Variants in UNC5C observed in about 807,000 individuals in gnomAD.
UNC5C encodes unc-5 netrin receptor C.
A neutral mutation model predicts 99.8 loss-of-function variants in UNC5C; 47 were observed. That is an observed-to-expected ratio of 0.47 (90% CI 0.37 to 0.60). UNC5C has a LOEUF of 0.60. Ranked by LOEUF, UNC5C falls within the 20% of genes least tolerant of loss-of-function variation. UNC5C has a pLI of 0.00. For synonymous variants in UNC5C, 487 were observed against 452.2 expected (o/e 1.08, Z -0.98); for missense variants, 1,062 against 1,165.9 (o/e 0.91, Z 1.30).
intron 11 of UNC5C, among the ~76,000 whole-genome samples, chr4:95,203,923 G>C (rs1232526426): frequency 1.3e-5 from 2 of 152,134 alleles, no homozygotes; most frequent in Non-Finnish European, 2.9e-5. Flanking sequence ...TGATGGCTGA[G>C]CAGAGGATTG....
intron 1 of UNC5C, among the ~76,000 whole-genome samples, chr4:95,487,694 T>A (rs892165893): frequency 5.9e-5 from 9 of 151,738 alleles, no homozygotes; most frequent in Non-Finnish European, 1.3e-4. Flanking sequence ...CTAGTTATTA[T>A]AAATAGAATC....
intron 1 of UNC5C, among the ~76,000 whole-genome samples, chr4:95,395,042 TG>T (rs1395886131): frequency 2.0e-5 from 3 of 152,156 alleles, no homozygotes; most frequent in Non-Finnish European, 4.4e-5. Flanking sequence ...CTCACCAGTC[TG>T]CTTCTTCAGC....
intron 1 of UNC5C, among the ~76,000 whole-genome samples, chr4:95,363,427 T>C (rs1215939837): frequency 6.6e-6 from 1 of 152,134 alleles, no homozygotes; most frequent in Non-Finnish European, 1.5e-5. Context: ...ATTTTATGAC[T>C]CAGAGATCGT....
intron 9 of UNC5C, among the ~76,000 whole-genome samples, 182 bp downstream of exon 9, chr4:95,218,787 G>A (rs1738351638): frequency 6.6e-6 from 1 of 152,166 alleles, no homozygotes; most frequent in African/African-American, 2.4e-5. Context: ...GTTGGAGGAA[G>A]AGAAATGGTT....
intron 1 of UNC5C, among the ~76,000 whole-genome samples, chr4:95,508,970 G>A (rs1167667729): frequency 6.6e-6 from 1 of 151,782 alleles, no homozygotes; most frequent in Non-Finnish European, 1.5e-5. Flanking sequence ...TGGTGTTACA[G>A]TCACAATTTC....
At chr4:95,327,363 T>C (rs1319421479) in intron 2 of UNC5C, among the ~76,000 whole-genome samples, 2 of 152,066 alleles carry the variant, frequency 1.3e-5, no homozygotes, top group Non-Finnish European at 2.9e-5. Context: ...TGGTATGGGC[T>C]TTTTTTCAGG....
chr4:95,332,054 C>A (rs1743134015), intron 2 of UNC5C, among the ~76,000 whole-genome samples: 1 of 152,036 alleles, frequency 6.6e-6, no homozygotes, highest in Non-Finnish European at 1.5e-5. Flanking sequence ...CAAACCACTG[C>A]TCAATGAAAT....
intron 1 of UNC5C, among the ~76,000 whole-genome samples, chr4:95,451,366 A>G (rs1747275112): frequency 6.6e-6 from 1 of 152,202 alleles, no homozygotes; most frequent in South Asian, 2.1e-4. Flanking sequence ...AACATATAAG[A>G]AAAAGTAGTC....
intron 1 of UNC5C, among the ~76,000 whole-genome samples, chr4:95,349,263 C>A (rs1162363406): frequency 1.3e-5 from 2 of 148,782 alleles, no homozygotes; most frequent in Admixed American, 1.3e-4. Context: ...CTACTCTGAA[C>A]CCACAAAAAT....
In UNC5C at chr4:95,456,146, A is replaced by T. The variant is rs149662330; in HGVS notation, c.124+92588T>A. Among the ~76,000 whole-genome samples, 691 of 152,214 alleles carry T rather than the reference A, an allele frequency of 4.5e-3. 4 individuals are homozygous for T. The highest frequency in any genetic ancestry group is 0.037 in the South Asian group (178 of 4,818). Reference sequence around the variant, plus strand: ...CCCCTCAATTGTATCTTTCGTGTGTATAATGGTAATAATTATAAGGCAATG... The same window carrying T: ...CCCCTCAATTGTATCTTTCGTGTGTTTAATGGTAATAATTATAAGGCAATG... On this transcript the variant is annotated intron_variant, in intron 1 of 15. Transcript: ENST00000453304.
intron 1 of UNC5C, among the ~76,000 whole-genome samples, chr4:95,538,144 G>A (rs972346541): frequency 6.6e-6 from 1 of 152,150 alleles, no homozygotes; most frequent in African/African-American, 2.4e-5. Context: ...ACTATCAGAT[G>A]ACATTTGTTT....
chr4:95,250,721 T>C lies in UNC5C; in HGVS notation c.595-54A>G, dbSNP rs1560753233. On this transcript the variant is annotated intron_variant, in intron 4 of 15. Transcript: ENST00000453304. Reference sequence around the variant, plus strand: ...TCCTCAGCATGGATCCCCTGATGGCTGTCTGTCCTAACCTGCATTTTGTAC... The same window carrying C: ...TCCTCAGCATGGATCCCCTGATGGCCGTCTGTCCTAACCTGCATTTTGTAC... 1.9e-6 allele frequency: 3 copies of C among 1,564,170 alleles called. No individual in the cohort carries two copies. In the South Asian group the frequency reaches 3.5e-5, roughly 18 times the overall value.
chr4:95,543,646 C>T (rs1338691980), intron 1 of UNC5C, among the ~76,000 whole-genome samples: 1 of 152,068 alleles, frequency 6.6e-6, no homozygotes, highest in African/African-American at 2.4e-5. Flanking sequence ...CTGATTTTCC[C>T]CAAACCCTTA....
At chr4:95,245,293 A>G (rs1739463590) in intron 5 of UNC5C, 149 bp from the exon 6 acceptor site, 3 of 881,710 alleles carry the variant, frequency 3.4e-6, no homozygotes, top group South Asian at 2.1e-5. Flanking sequence ...AGAAGAGACC[A>G]TGGACCTCAT....
chr4:95,496,251 A>T (rs1560484583), intron 1 of UNC5C, among the ~76,000 whole-genome samples: 2 of 151,934 alleles, frequency 1.3e-5, no homozygotes, highest in East Asian at 3.9e-4. Context: ...TGAGCCTCAG[A>T]AATTAGGATT....
chr4:95,215,543 A>C (rs1738216860), intron 10 of UNC5C, among the ~76,000 whole-genome samples: 1 of 152,046 alleles, frequency 6.6e-6, no homozygotes, highest in African/African-American at 2.4e-5. Flanking sequence ...CATTCTAAAC[A>C]AAACCTTTTA....
At chr4:95,335,155 T>C (rs575523935) in intron 2 of UNC5C, among the ~76,000 whole-genome samples, 1 of 152,114 alleles carries the variant, frequency 6.6e-6, no homozygotes, top group Admixed American at 6.6e-5. Context: ...TCATTCGCAT[T>C]ATTTATCTTC....
intron 1 of UNC5C, among the ~76,000 whole-genome samples, chr4:95,477,867 T>G (rs540588602): frequency 6.6e-6 from 1 of 152,126 alleles, no homozygotes; most frequent in African/African-American, 2.4e-5. Flanking sequence ...TTGGCTCACT[T>G]GGGTTGGAAT....
intron 1 of UNC5C, among the ~76,000 whole-genome samples, chr4:95,456,761 C>T (rs1747437877): frequency 1.3e-5 from 2 of 152,100 alleles, no homozygotes; most frequent in Non-Finnish European, 2.9e-5. Flanking sequence ...TTCCATACTT[C>T]ATGCATAGAA....
Sources: gnomAD v4.1 joint callset for allele counts (sites outside exome capture counted in the v4.1 genomes callset) on GRCh38, gnomAD v4.1.1 for gene constraint, MANE v1.5 for transcripts, NCBI Gene and HGNC (gene_info 2026-07-23, HGNC 2026-07-21) for gene names.